KANK4: variants seen among roughly 807,000 people sequenced by gnomAD.
The protein encoded by KANK4 is KN motif and ankyrin repeat domain-containing protein 4.
A neutral mutation model predicts 80.8 loss-of-function variants in KANK4; 50 were observed. The ratio of observed to expected loss-of-function variants is 0.62; its 90% CI spans 0.49 to 0.78. The LOEUF is 0.78. Among genes scored for constraint, KANK4 ranks in the 30% least tolerant of loss-of-function variants. KANK4 has a pLI of 0.00. For synonymous variants in KANK4, 465 were observed against 506.9 expected (o/e 0.92, Z 1.11); for missense variants, 1,196 against 1,240.1 (o/e 0.96, Z 0.53).
At chr1:62,317,477 G>T (rs1644551224) in intron 1 of KANK4, among the ~76,000 whole-genome samples, 1 of 152,148 alleles carries the variant, frequency 6.6e-6, no homozygotes, top group Admixed American at 6.5e-5. Context: ...ACTTCCAACT[G>T]CTCATTATTA....
intron 1 of KANK4, among the ~76,000 whole-genome samples, chr1:62,304,940 T>G (rs1281217215): frequency 6.6e-6 from 1 of 151,970 alleles, no homozygotes; most frequent in African/African-American, 2.4e-5. Context: ...TGCCAGAGGG[T>G]TCAATGAGAT....
chr1:62,311,641 CCTT>C (rs2149173670), intron 1 of KANK4, among the ~76,000 whole-genome samples: 1 of 152,220 alleles, frequency 6.6e-6, no homozygotes, highest in African/African-American at 2.4e-5. Context: ...TACACAAACT[CCTT>C]AACCTCTCGG....
Position 62,273,578 on chromosome 1 carries a change from T to C in KANK4, c.1526A>G (p.Glu509Gly). Residue 509 changes from glutamate (E) to glycine (G), a missense_variant, in exon 3 of 10, where the codon GAA (glutamate) becomes GGA (glycine). Physicochemically the swap from Glu to Gly is moderately conservative, Grantham distance 98. Coordinates refer to ENST00000371153, the MANE Select transcript of KANK4 (RefSeq NM_181712.5). ...LRIEEAGTEQ[E>G]GGPQGGTRGA... Reference sequence around the variant, plus strand: ...CCTGGTTCCTCCCTGAGGGCCTCCTTCCTGTTCAGTGCCTGCTTCTTCAAT... The same window carrying C: ...CCTGGTTCCTCCCTGAGGGCCTCCTCCCTGTTCAGTGCCTGCTTCTTCAAT... 1.2e-6 allele frequency: 2 copies of C among 1,614,062 alleles called. No homozygotes were observed. Among genetic ancestry groups the C allele is most frequent in the South Asian group, 2.2e-5 (2 of 91,080 alleles).
rs1356284949 is a variant in KANK4 at position 62,263,520 on chromosome 1, G to A, written c.2320-209C>T. 3.2e-5 allele frequency: 18 copies of A among 557,080 alleles called. No homozygotes were observed. The East Asian group carries it at 3.9e-4, about 12-fold the overall frequency. The allele number at this position is 557,080 out of a possible 1,614,324, so 34.5% of individuals were successfully genotyped here. A position where few individuals can be genotyped will look rare whatever the true frequency, so the allele number is the denominator to read the frequency against. ...GATCAGCCCCCTCTGGGAGTGGAAA[G>A]GAAGACTGGGAGGACAGCCTAGTAA... On this transcript the variant is annotated intron_variant, in intron 6 of 9. Transcript: ENST00000371153.
At chr1:62,289,636 G>C (rs1251997766) in intron 1 of KANK4, among the ~76,000 whole-genome samples, 2 of 151,226 alleles carry the variant, frequency 1.3e-5, no homozygotes, top group African/African-American at 4.8e-5. Flanking sequence ...GAAGACAGAA[G>C]AAGACAAAAA....
rs1671661222 is a variant in KANK4, at chr1:62,253,120, C to T, written c.2629G>A (p.Ala877Thr). Residue 877 changes from alanine (A) to threonine (T), a missense_variant, in exon 8 of 10, where the codon GCT becomes ACT. Transcript: ENST00000371153. ...LASAETNEDM[A>T]VVWKLLREGN... Reference sequence around the variant, plus strand: ...TCTCTTAAGAGCTTCCAGACAACAGCCATGTCTTCATTGGTCTCTGCGGAA... The same window carrying T: ...TCTCTTAAGAGCTTCCAGACAACAGTCATGTCTTCATTGGTCTCTGCGGAA... 6.2e-7 allele frequency: 1 copy of T among 1,613,986 alleles called. No individual in the cohort carries two copies. Among genetic ancestry groups the T allele is most frequent in the Non-Finnish European group, 8.5e-7 (1 of 1,179,952 alleles).
At chr1:62,250,685 A>G (rs1040475043) in intron 8 of KANK4, among the ~76,000 whole-genome samples, 2 of 145,668 alleles carry the variant, frequency 1.4e-5, no homozygotes, top group African/African-American at 5.0e-5. Context: ...CTTGCAAGCA[A>G]CCCCTCTTAC....
chr1:62,310,170 T>C (rs1376253526), intron 1 of KANK4, among the ~76,000 whole-genome samples: 1 of 152,172 alleles, frequency 6.6e-6, no homozygotes, highest in African/African-American at 2.4e-5. Flanking sequence ...GGCAGCAAAC[T>C]GGGGCAAAAG....
chr1:62,274,244 G>A lies in KANK4; in HGVS notation c.860C>T (p.Pro287Leu). 6.2e-7 allele frequency: 1 copy of A among 1,614,062 alleles called. No individual in the cohort carries two copies. ...FTPGSPTPSP[P>L]PLPSPIPENE... Reference sequence around the variant, plus strand: ...CTCAGGGATGGGTGATGGCAGAGGTGGCGGGCTTGGCGTAGGGGAGCCAGG... The same window carrying A: ...CTCAGGGATGGGTGATGGCAGAGGTAGCGGGCTTGGCGTAGGGGAGCCAGG... The change falls in exon 3 of 10, where the codon CCA (proline) becomes CTA (leucine). Residue 287 changes from proline (P) to leucine (L), a missense_variant. Physicochemically the swap from Pro to Leu is moderately conservative, Grantham distance 98. This residue lies in a region of KANK4 where 1,154 missense variants were observed against 1,179.6 expected (regional missense o/e 0.98). Transcript: ENST00000371153.
chr1:62,257,328 T>G (rs1671775198), intron 7 of KANK4, among the ~76,000 whole-genome samples: 1 of 152,182 alleles, frequency 6.6e-6, no homozygotes, highest in South Asian at 2.1e-4. Context: ...CCTCAGGTGA[T>G]CCACCTGCCT....
At chr1:62,238,484 G>T (rs758867090) in intron 9 of KANK4, 103 bp from the exon 10 acceptor site, 2 of 887,200 alleles carry the variant, frequency 2.3e-6, no homozygotes, top group Non-Finnish European at 3.6e-6. Context: ...GGACACAGGT[G>T]TCTATTAAGG....
chr1:62,254,561 T>G (rs1806870), intron 7 of KANK4, among the ~76,000 whole-genome samples: 109,916 of 150,630 alleles, frequency 0.73, 40,252 homozygotes, highest in East Asian at 0.84. Flanking sequence ...GCATTTTTTT[T>G]TTTGTTTTTT....
rs1185989800 is a variant in KANK4, at chr1:62,274,731, C to T, written c.373G>A (p.Val125Met). 3.7e-6 allele frequency: 6 copies of T among 1,614,208 alleles called. No individual in the cohort carries two copies. In the African/African-American group the frequency reaches 5.3e-5, roughly 14 times the overall value. Residue 125 changes from valine to methionine, a missense_variant, in exon 3 of 10, where the codon GTG (valine) becomes ATG (methionine). Val to Met is a conservative substitution (Grantham distance 21). Coordinates refer to ENST00000371153, the MANE Select transcript of KANK4 (RefSeq NM_181712.5). ...APQASTSRSEVSYHRKALLAE... is the reference protein window; with the variant it reads ...APQASTSRSEMSYHRKALLAE... Reference sequence around the variant, plus strand: ...AACAGAGCCTTCCTGTGGTAGCTCACCTCACTCCTGCTTGTTGAGGCCTGG... The same window carrying T: ...AACAGAGCCTTCCTGTGGTAGCTCATCTCACTCCTGCTTGTTGAGGCCTGG...
At chr1:62,259,283 CTT>C (rs375101709) in intron 7 of KANK4, among the ~76,000 whole-genome samples, 3 of 147,410 alleles carry the variant, frequency 2.0e-5, no homozygotes, top group African/African-American at 2.5e-5. Flanking sequence ...TTCTTTCTTT[CTT>C]TTTTTTTTTG....
At chr1:62,270,043 G>A in intron 4 of KANK4, among the ~76,000 whole-genome samples, 1 of 152,220 alleles carries the variant, frequency 6.6e-6, no homozygotes, top group East Asian at 1.9e-4. Flanking sequence ...AAATGCTGAG[G>A]AATGTCCAGG....
intron 1 of KANK4, among the ~76,000 whole-genome samples, chr1:62,286,787 C>G (rs1672579029): frequency 6.6e-6 from 1 of 152,092 alleles, no homozygotes; most frequent in Admixed American, 6.5e-5. Context: ...CCACATGAAG[C>G]CTCTGATCAT....
At chr1:62,249,000 TA>T (rs374742301) in intron 8 of KANK4, among the ~76,000 whole-genome samples, 8,240 of 137,536 alleles carry the variant, frequency 0.06, 249 homozygotes, top group African/African-American at 0.087. Context: ...CTGTCTCTAC[TA>T]AAAAAAAAAA....
At chr1:62,254,396 C>A (rs145789205) in intron 7 of KANK4, among the ~76,000 whole-genome samples, 5,816 of 150,968 alleles carry the variant, frequency 0.039, 135 homozygotes, top group Middle Eastern at 0.06. Flanking sequence ...TGCCCGCCAC[C>A]ATGCCTGGCT....
At chr1:62,266,668 C>G in intron 6 of KANK4, 64 bp downstream of exon 6, 1 of 1,134,282 alleles carries the variant, frequency 8.8e-7, no homozygotes, top group Non-Finnish European at 1.3e-6. Flanking sequence ...CCAAAGTCAC[C>G]CTGGCAGAGC....
Sources: allele counts gnomAD v4.1 joint callset (sites outside exome capture counted in the v4.1 genomes callset), GRCh38; gene constraint gnomAD v4.1.1; regional missense constraint gnomAD v4.1.1; transcripts MANE v1.5; gene names NCBI Gene and HGNC (gene_info 2026-07-23, HGNC 2026-07-21).